The following CYYR1 variants were observed in gnomAD, a reference collection of about 807,000 sequenced individuals.
CYYR1 encodes cysteine and tyrosine rich 1.
In CYYR1, 14 loss-of-function variants were observed where a neutral mutation model predicts 15.2. The ratio of observed to expected loss-of-function variants is 0.92; its 90% CI spans 0.61 to 1.44. The LOEUF is 1.44. Among genes scored for constraint, CYYR1 ranks in the 40% most tolerant of loss-of-function variants. The probability of loss-of-function intolerance (pLI) is 0.00; values close to 1 mark genes in which losing one functional copy is unlikely to be tolerated. For synonymous variants in CYYR1, 80 were observed against 77.4 expected, an observed-to-expected ratio of 1.03 and a Z score of -0.18; for missense variants, 228 against 209.5, an observed-to-expected ratio of 1.09 and a Z score of -0.54.
At chr21:26,482,334 A>G (rs1468215957) in intron 2 of CYYR1, 1 of 985,314 alleles carries the variant, frequency 1.0e-6, no homozygotes, top group Non-Finnish European at 1.2e-6. Flanking sequence ...GCTCCTTGCA[A>G]AAATTCCTAG....
intron 2 of CYYR1, among the ~76,000 whole-genome samples, chr21:26,510,440 C>T (rs1223050407): frequency 6.6e-6 from 1 of 152,006 alleles, no homozygotes; most frequent in African/African-American, 2.4e-5. Flanking sequence ...GAAGAAAATG[C>T]CAAGGAAATT....
At chr21:26,485,148 AAAC>A (rs1001254565) in intron 2 of CYYR1, among the ~76,000 whole-genome samples, 11 of 152,052 alleles carry the variant, frequency 7.2e-5, no homozygotes, top group African/African-American at 2.7e-4. Context: ...ATTTTTTTTA[AAAC>A]AACGCCTTGC....
At position 26,572,880 on chromosome 21, in the gene CYYR1, A is replaced by C; in HGVS notation, c.61T>G (p.Phe21Val). The change falls in exon 1 of 4, where the codon TTT (phenylalanine) becomes GTT (valine). Residue 21 changes from phenylalanine (F) to valine (V), a missense_variant. By Grantham distance (50) the Phe-to-Val change is conservative (BLOSUM62 -1). Transcript: ENST00000652641. ...GVLLPKLVLL[F>V]VYADDCLAQC... is the part of the protein sequence containing the mutation. ...CTCCGTCACTGACCTGCGTAGACAA[A>C]GAGCAGGACCAACTTCGGAAGCAAG... The C allele has an allele frequency of 6.2e-7, 1 of 1,613,960 alleles. No individual in the cohort carries two copies. The highest frequency in any genetic ancestry group is 8.5e-7 in the Non-Finnish European group (1 of 1,179,960).
chr21:26,480,815 G>A (rs1424180722), intron 2 of CYYR1, among the ~76,000 whole-genome samples: 1 of 152,066 alleles, frequency 6.6e-6, no homozygotes, highest in Non-Finnish European at 1.5e-5. Flanking sequence ...GGCATAGCAT[G>A]TATGTGTTTA....
At chr21:26,572,275 A>G (rs1981054738) in intron 1 of CYYR1, among the ~76,000 whole-genome samples, 1 of 152,232 alleles carries the variant, frequency 6.6e-6, no homozygotes, top group African/African-American at 2.4e-5. Context: ...TTCGTTAATT[A>G]TTAGCAGTTC....
At chr21:26,505,945 C>A (rs1001873503) in intron 2 of CYYR1, among the ~76,000 whole-genome samples, 2 of 152,090 alleles carry the variant, frequency 1.3e-5, no homozygotes, top group Non-Finnish European at 2.9e-5. Context: ...TTTGTTAATC[C>A]TTTATTGAGA....
At chr21:26,529,429 TA>T (rs1453405493) in intron 2 of CYYR1, among the ~76,000 whole-genome samples, 2 of 152,236 alleles carry the variant, frequency 1.3e-5, no homozygotes, top group African/African-American at 4.8e-5. Context: ...GCAATGCATT[TA>T]TAAAGTAATT....
intron 1 of CYYR1, among the ~76,000 whole-genome samples, chr21:26,567,775 T>C (rs953452216): frequency 1.4e-4 from 21 of 152,190 alleles, no homozygotes; most frequent in Admixed American, 5.9e-4. Context: ...ATGTAACTGA[T>C]TTATCCAGAA....
Sources: allele counts gnomAD v4.1 joint callset (sites outside exome capture counted in the v4.1 genomes callset), GRCh38; gene constraint gnomAD v4.1.1; transcripts MANE v1.5; gene names NCBI Gene and HGNC (gene_info 2026-07-23, HGNC 2026-07-21).